JARID2: variants seen among roughly 807,000 people sequenced by gnomAD.
The protein encoded by JARID2 is jumonji and AT-rich interaction domain containing 2, also known as protein Jumonji.
In JARID2, 21 loss-of-function variants were observed where a neutral mutation model predicts 125.6. That is an observed-to-expected ratio of 0.17 (90% confidence interval 0.12 to 0.24). The LOEUF (loss-of-function observed/expected upper bound fraction) is 0.24, where lower values mean the gene tolerates loss of function less well. Among genes scored for constraint, JARID2 ranks in the 10% least tolerant of loss-of-function variants. JARID2 has a pLI of 1.00. For synonymous variants in JARID2, 736 were observed against 661.6 expected (o/e 1.11, Z -1.73); for missense variants, 1,303 against 1,639.6 (o/e 0.79, Z 3.55).
At chr6:15,495,364 G>A (rs1001167628) in intron 6 of JARID2, among the ~76,000 whole-genome samples, 8 of 152,158 alleles carry the variant, frequency 5.3e-5, no homozygotes, top group African/African-American at 1.2e-4. Context: ...GTTTGTAAAC[G>A]GTGGGAAAAT....
chr6:15,331,657 GGAGTTC>G (rs1217660321), intron 1 of JARID2, among the ~76,000 whole-genome samples: 1 of 152,068 alleles, frequency 6.6e-6, no homozygotes, highest in African/African-American at 2.4e-5. Flanking sequence ...CCTGAGGTCG[GGAGTTC>G]GAGATCAGTC....
intron 12 of JARID2, among the ~76,000 whole-genome samples, chr6:15,510,353 CT>C (rs930888745): frequency 7.1e-4 from 108 of 152,258 alleles, no homozygotes; most frequent in African/African-American, 2.6e-3. Context: ...TCACATCCCC[CT>C]CATTCATGCT....
intron 3 of JARID2, among the ~76,000 whole-genome samples, chr6:15,445,034 T>A (rs912683241): frequency 2.0e-4 from 30 of 152,028 alleles, no homozygotes; most frequent in African/African-American, 7.0e-4. Context: ...AGAAATAGGA[T>A]TTAATTAACC....
intron 1 of JARID2, among the ~76,000 whole-genome samples, chr6:15,286,320 T>G (rs1317600588): frequency 6.6e-6 from 1 of 150,930 alleles, no homozygotes; most frequent in Non-Finnish European, 1.5e-5. Flanking sequence ...TGGTGTGATC[T>G]CGGCTCACTG....
chr6:15,500,593 C>T (rs1770686212), intron 7 of JARID2, among the ~76,000 whole-genome samples: 1 of 152,194 alleles, frequency 6.6e-6, no homozygotes, highest in African/African-American at 2.4e-5. Context: ...GGATGTTCCT[C>T]CCTGTATGTC....
At chr6:15,510,610 C>T (rs965598657) in intron 12 of JARID2, among the ~76,000 whole-genome samples, 2 of 152,220 alleles carry the variant, frequency 1.3e-5, no homozygotes, top group Admixed American at 6.5e-5. Flanking sequence ...AGCCCTTGAT[C>T]CTCCTGTGTG....
chr6:15,470,082 C>T (rs555242043), intron 5 of JARID2, among the ~76,000 whole-genome samples: 2 of 151,160 alleles, frequency 1.3e-5, no homozygotes, highest in South Asian at 4.2e-4. Context: ...GAGGCTGAGG[C>T]AGGAGAATGG....
At chr6:15,284,259 CAA>C (rs923832105) in intron 1 of JARID2, among the ~76,000 whole-genome samples, 3 of 152,178 alleles carry the variant, frequency 2.0e-5, no homozygotes, top group African/African-American at 7.2e-5. Flanking sequence ...CTGGAATCCT[CAA>C]AAATGATTTC....
chr6:15,389,255 C>T (rs1217904561), intron 2 of JARID2, among the ~76,000 whole-genome samples: 1 of 152,156 alleles, frequency 6.6e-6, no homozygotes, highest in Non-Finnish European at 1.5e-5. Context: ...GCGTGCACCG[C>T]CCCCAGCAAC....
chr6:15,456,416 T>A lies in JARID2; in HGVS notation c.493+4241T>A, dbSNP rs774757504. 8.1e-4 allele frequency among the ~76,000 whole-genome samples: 123 copies of A among 152,288 alleles called. 2 individuals are homozygous for A. The highest frequency in any genetic ancestry group is 3.4e-4 in the Non-Finnish European group (23 of 68,022). On this transcript the variant is annotated intron_variant, in intron 4 of 17. Coordinates refer to ENST00000341776, the MANE Select transcript of JARID2 (RefSeq NM_004973.4). ...GCCTAGGAGATGTTTAAAACAAATT[T>A]AAAAAAATGCTCTGAACCTTTGGAA... is the stretch of plus-strand genomic sequence containing the variant.
intron 1 of JARID2, among the ~76,000 whole-genome samples, chr6:15,351,198 T>G (rs1477946749): frequency 2.0e-5 from 3 of 152,132 alleles, no homozygotes. Context: ...TATAGATTAG[T>G]AGGTGAGCCA....
intron 3 of JARID2, among the ~76,000 whole-genome samples, chr6:15,418,750 A>G (rs1192251131): frequency 6.6e-6 from 1 of 152,152 alleles, no homozygotes; most frequent in African/African-American, 2.4e-5. Flanking sequence ...GAATCATTGG[A>G]AGTGTATGGA....
intron 1 of JARID2, among the ~76,000 whole-genome samples, chr6:15,315,281 GC>G (rs1445355731): frequency 2.6e-5 from 4 of 152,192 alleles, no homozygotes; most frequent in Non-Finnish European, 5.9e-5. Flanking sequence ...TCCTTCAGAT[GC>G]CAGGTAGTAG....
intron 1 of JARID2, among the ~76,000 whole-genome samples, chr6:15,325,847 A>C (rs888264163): frequency 1.3e-5 from 2 of 152,178 alleles, no homozygotes; most frequent in African/African-American, 2.4e-5. Context: ...ATATTGCATC[A>C]GATTGAATTG....
chr6:15,386,673 G>T (rs1764801434), intron 2 of JARID2, among the ~76,000 whole-genome samples: 2 of 152,340 alleles, frequency 1.3e-5, no homozygotes, highest in East Asian at 1.9e-4. Context: ...CAACACCACT[G>T]CCTGTATTTT....
At chr6:15,443,451 C>A (rs778982964) in intron 3 of JARID2, among the ~76,000 whole-genome samples, 3 of 152,068 alleles carry the variant, frequency 2.0e-5, no homozygotes, top group Admixed American at 1.3e-4. Context: ...TGATATCTTT[C>A]TAAAATATAT....
At chr6:15,407,676 ACTGCAAAT>A (rs1765707057) in intron 2 of JARID2, among the ~76,000 whole-genome samples, 2 of 152,218 alleles carry the variant, frequency 1.3e-5, no homozygotes, top group African/African-American at 2.4e-5. Context: ...TTTTAGGCTT[ACTGCAAAT>A]CCCAACTTTC....
chr6:15,267,237 A>G (rs1276639774), intron 1 of JARID2, among the ~76,000 whole-genome samples: 1 of 152,180 alleles, frequency 6.6e-6, no homozygotes, highest in African/African-American at 2.4e-5. Context: ...ACTCTCCTAA[A>G]CTATTCTCCC....
In JARID2 at chr6:15,518,543, G is replaced by A. The variant is rs141631245; in HGVS notation, c.3558+1275G>A. Among the ~76,000 whole-genome samples the A allele has an allele frequency of 4.5e-3, 688 of 152,210 alleles. 5 individuals carry two copies. The highest frequency in any genetic ancestry group is 0.016 in the African/African-American group (656 of 41,524). On this transcript the variant is annotated intron_variant, in intron 17 of 17. Coordinates refer to ENST00000341776, the MANE Select transcript of JARID2 (RefSeq NM_004973.4). ...TGTCGCCAGGCTGGAGTGCAGTGGCGTGATCTCGGCCCACTGCAAGCTCCG... is the reference window on the plus strand; with the variant it reads ...TGTCGCCAGGCTGGAGTGCAGTGGCATGATCTCGGCCCACTGCAAGCTCCG...
Sources: allele counts gnomAD v4.1 joint callset (sites outside exome capture counted in the v4.1 genomes callset), GRCh38; gene constraint gnomAD v4.1.1; transcripts MANE v1.5; gene names NCBI Gene and HGNC (gene_info 2026-07-23, HGNC 2026-07-21).